Variants in MAGI1 observed in about 807,000 individuals in gnomAD.
MAGI1 encodes membrane associated guanylate kinase, WW and PDZ domain containing 1.
A neutral mutation model predicts 139.9 loss-of-function variants in MAGI1; 58 were observed. That is an observed-to-expected ratio of 0.41 (90% CI 0.34 to 0.52). The LOEUF (loss-of-function observed/expected upper bound fraction) is 0.52, where lower values mean the gene tolerates loss of function less well. Among genes scored for constraint, MAGI1 ranks in the 20% least tolerant of loss-of-function variants. MAGI1 has a pLI of 0.12. For synonymous variants in MAGI1, 812 were observed against 737.9 expected, an observed-to-expected ratio of 1.10 and a Z score of -1.63; for missense variants, 1,874 against 1,901.6, an observed-to-expected ratio of 0.99 and a Z score of 0.27.
chr3:65,511,202 G>T (rs971370783), intron 2 of MAGI1, among the ~76,000 whole-genome samples: 7 of 150,630 alleles, frequency 4.6e-5, no homozygotes, highest in Admixed American at 2.6e-4. Context: ...GCAAAATCAT[G>T]CCAAAATGTA....
intron 2 of MAGI1, among the ~76,000 whole-genome samples, chr3:65,581,152 G>C (rs914251741): frequency 6.6e-6 from 1 of 151,598 alleles, no homozygotes; most frequent in Non-Finnish European, 1.5e-5. Flanking sequence ...ATCCAAGTTT[G>C]ACTCCCTACA....
chr3:65,521,019 A>G (rs1469195661), intron 2 of MAGI1, among the ~76,000 whole-genome samples: 2 of 152,190 alleles, frequency 1.3e-5, no homozygotes, highest in African/African-American at 2.4e-5. Flanking sequence ...AAAGGGCATG[A>G]TTTTATCAAT....
intron 1 of MAGI1, among the ~76,000 whole-genome samples, chr3:65,842,457 T>A (rs964091237): frequency 5.3e-5 from 8 of 151,742 alleles, no homozygotes; most frequent in Admixed American, 2.6e-4. Context: ...GCCTCCCAGG[T>A]TCAAGCGACT....
chr3:65,389,291 G>A (rs140019261), intron 14 of MAGI1, among the ~76,000 whole-genome samples: 35 of 152,068 alleles, frequency 2.3e-4, no homozygotes, highest in East Asian at 7.7e-4. Flanking sequence ...AAAATTTGCC[G>A]CCACCAGGGT....
At chr3:65,444,961 A>T (rs1049491639) in intron 7 of MAGI1, among the ~76,000 whole-genome samples, 1 of 152,246 alleles carries the variant, frequency 6.6e-6, no homozygotes, top group Non-Finnish European at 1.5e-5. Flanking sequence ...TTAAATAGGA[A>T]GATGGTTGTC....
In MAGI1 at chr3:66,037,874, G is replaced by A. The variant is rs148909489; in HGVS notation, c.313+122C>T. On this transcript the variant is annotated intron_variant, in intron 1 of 22. Coordinates refer to ENST00000402939, the MANE Select transcript of MAGI1 (RefSeq NM_001033057.2). ...GTGTATTTCACCGCCACCACAGGGC[G>A]CACGGCCTCAACTTCTCTTCACTGC... 7.1e-4 allele frequency: 1,046 copies of A among 1,464,668 alleles called. 5 individuals carry two copies. The African/African-American group carries it at 0.013, about 19-fold the overall frequency. 90.7% of individuals were successfully genotyped at this position (1,464,668 alleles called of 1,614,324 possible). A position where few individuals can be genotyped will look rare whatever the true frequency, so the allele number is the denominator to read the frequency against.
intron 1 of MAGI1, among the ~76,000 whole-genome samples, chr3:65,714,932 C>G (rs1462880220): frequency 6.6e-6 from 1 of 151,850 alleles, no homozygotes; most frequent in South Asian, 2.1e-4. Context: ...TTGCTCTCCC[C>G]GAAACTCAGA....
intron 1 of MAGI1, among the ~76,000 whole-genome samples, chr3:65,929,954 T>C (rs751136334): frequency 1.6e-4 from 24 of 152,156 alleles, no homozygotes; most frequent in Non-Finnish European, 2.4e-4. Context: ...GTTTCCTTTA[T>C]CAGCCAAAGA....
chr3:65,409,681 C>T (rs1945632874), intron 12 of MAGI1, among the ~76,000 whole-genome samples: 1 of 151,822 alleles, frequency 6.6e-6, no homozygotes, highest in Non-Finnish European at 1.5e-5. Context: ...AACCCCGTAG[C>T]ATAATTTTTC....
chr3:65,998,052 A>C (rs1576408712), intron 1 of MAGI1, among the ~76,000 whole-genome samples: 1 of 150,104 alleles, frequency 6.7e-6, no homozygotes, highest in Non-Finnish European at 1.5e-5. Flanking sequence ...GCAGTGAGCC[A>C]AGATTGCGCC....
At chr3:66,033,433 CT>C (rs1050459748) in intron 1 of MAGI1, among the ~76,000 whole-genome samples, 4 of 152,172 alleles carry the variant, frequency 2.6e-5, no homozygotes, top group Non-Finnish European at 5.9e-5. Context: ...GGTCTACCCA[CT>C]ACTAGCACTG....
intron 1 of MAGI1, among the ~76,000 whole-genome samples, chr3:65,977,475 C>T (rs1467794920): frequency 1.3e-5 from 2 of 152,134 alleles, no homozygotes; most frequent in Non-Finnish European, 2.9e-5. Context: ...CTTTGGGAGG[C>T]CAAGGCAGGT....
At chr3:66,025,672 GTA>G (rs1279346222) in intron 1 of MAGI1, among the ~76,000 whole-genome samples, 5 of 152,096 alleles carry the variant, frequency 3.3e-5, no homozygotes, top group Admixed American at 6.5e-5. Flanking sequence ...ATCTTCAAAA[GTA>G]TATGTTTGTG....
At chr3:65,513,330 T>C (rs2077697710) in intron 2 of MAGI1, among the ~76,000 whole-genome samples, 1 of 29,574 alleles carries the variant, frequency 3.4e-5, no homozygotes, top group Non-Finnish European at 6.7e-5. Context: ...GAGAAGGAAA[T>C]AAAGGGTATT....
At chr3:65,645,129 G>C (rs1412584845) in intron 1 of MAGI1, among the ~76,000 whole-genome samples, 1 of 151,440 alleles carries the variant, frequency 6.6e-6, no homozygotes, top group Admixed American at 6.6e-5. Flanking sequence ...AAGAAAGAAA[G>C]AGTTAAACAT....
At chr3:65,669,008 G>A (rs2086696651) in intron 1 of MAGI1, among the ~76,000 whole-genome samples, 1 of 151,954 alleles carries the variant, frequency 6.6e-6, no homozygotes, top group African/African-American at 2.4e-5. Flanking sequence ...CACAATCTCG[G>A]CTCACTGCAA....
At chr3:66,012,269 T>G (rs2067362196) in intron 1 of MAGI1, among the ~76,000 whole-genome samples, 1 of 152,162 alleles carries the variant, frequency 6.6e-6, no homozygotes, top group African/African-American at 2.4e-5. Flanking sequence ...GAAATTATTT[T>G]TTTAGCAGAG....
At chr3:65,494,539 C>G (rs1917523) in intron 2 of MAGI1, among the ~76,000 whole-genome samples, 3 of 151,862 alleles carry the variant, frequency 2.0e-5, no homozygotes, top group Non-Finnish European at 2.9e-5. Flanking sequence ...TATTATGAGA[C>G]GAAAAAAAAG....
In MAGI1 at chr3:65,356,619, G is replaced by A. The variant is rs761636491; in HGVS notation, c.4148C>T (p.Ser1383Phe). The A allele has an allele frequency of 1.9e-6, 3 of 1,592,852 alleles. No individual in the cohort carries two copies. The highest frequency in any genetic ancestry group is 2.6e-6 in the Non-Finnish European group (3 of 1,172,028). ...SLERLLEQRR[S>F]PERRRGGSPE... ...CGAGCCCCCTCTCCTGCGCTCGGGG[G>A]ACCTCCTCTGCTCCAGGAGTCTCTC... The change falls in exon 23 of 23, where the codon TCC becomes TTC. Residue 1383 changes from serine to phenylalanine, a missense_variant. Coordinates refer to ENST00000402939, the MANE Select transcript of MAGI1 (RefSeq NM_001033057.2).
Sources: allele counts gnomAD v4.1 joint callset (sites outside exome capture counted in the v4.1 genomes callset), GRCh38; gene constraint gnomAD v4.1.1; transcripts MANE v1.5; gene names NCBI Gene and HGNC (gene_info 2026-07-23, HGNC 2026-07-21).